CHSY3: variants seen among roughly 807,000 people sequenced by gnomAD.
The protein encoded by CHSY3 is chondroitin sulfate synthase 3.
CHSY3 carries 35 observed loss-of-function variants against 67.2 expected under a neutral mutation model. The ratio of observed to expected loss-of-function variants is 0.52; its 90% CI spans 0.40 to 0.69. The LOEUF (loss-of-function observed/expected upper bound fraction) is 0.69, where lower values mean the gene tolerates loss of function less well. Ranked by LOEUF, CHSY3 falls within the 30% of genes least tolerant of loss-of-function variation. CHSY3 has a pLI of 0.00. For missense variants in CHSY3, 1,069 were observed against 1,138.5 expected, an observed-to-expected ratio of 0.94 and a Z score of 0.88; for synonymous variants, 474 against 434.7, an observed-to-expected ratio of 1.09 and a Z score of -1.12.
Position 130,020,453 on chromosome 5 carries a change from ATATATATATTTTTTTTT to A in CHSY3, c.1086+112095_1086+112111del, listed in dbSNP as rs1419271203. On this transcript the variant is annotated intron_variant, in intron 2 of 2. Coordinates refer to ENST00000305031, the MANE Select transcript of CHSY3 (RefSeq NM_175856.5). ...TATATATATATATATATATATATAT[ATATATATATTTTTTTTT>A]TTTTTTTTTCCTCTGGCTCCTCCAC... is the stretch of plus-strand genomic sequence containing the variant. Among the ~76,000 whole-genome samples, 16 of 7,930 alleles carry A rather than the reference ATATATATATTTTTTTTT, an allele frequency of 2.0e-3. No homozygotes were observed. The East Asian group carries it at 0.045, about 23-fold the overall frequency. 5.2% of individuals were successfully genotyped at this position (7,930 alleles called of 152,430 possible). A position where few individuals can be genotyped will look rare whatever the true frequency, so the allele number is the denominator to read the frequency against.
chr5:130,148,834 A>G (rs563635223), intron 2 of CHSY3, among the ~76,000 whole-genome samples: 55 of 152,106 alleles, frequency 3.6e-4, no homozygotes, highest in Admixed American at 1.8e-3. Flanking sequence ...ATTATCTCCT[A>G]TTCTGTGGGT....
At chr5:129,906,584 G>A (rs893220576) in intron 1 of CHSY3, among the ~76,000 whole-genome samples, 2 of 152,194 alleles carry the variant, frequency 1.3e-5, no homozygotes, top group Non-Finnish European at 2.9e-5. Context: ...GGGCGGCTCT[G>A]GACAGAGAAT....
chr5:130,127,702 T>A (rs1282801261), intron 2 of CHSY3, among the ~76,000 whole-genome samples: 6 of 152,222 alleles, frequency 3.9e-5, no homozygotes, highest in Admixed American at 3.9e-4. Context: ...CAGAAATTCC[T>A]GATGTTGAAA....
intron 2 of CHSY3, among the ~76,000 whole-genome samples, chr5:129,925,282 A>T (rs1365472285): frequency 6.6e-6 from 1 of 152,188 alleles, no homozygotes; most frequent in Non-Finnish European, 1.5e-5. Flanking sequence ...GTTGATATAT[A>T]AACATTCAGG....
chr5:130,123,571 T>G lies in CHSY3; in HGVS notation c.1087-60658T>G, dbSNP rs1222564051. Among the ~76,000 whole-genome samples, 3 of 152,190 alleles carry G rather than the reference T, an allele frequency of 2.0e-5. No individual in the cohort carries two copies. In the East Asian group the frequency reaches 5.8e-4, roughly 29 times the overall value. ...CTCACCTGCTGCTCAACTCCTGCTGTGCGGCCAGGTTCCTAACACACCTTC... is the reference window on the plus strand; with the variant it reads ...CTCACCTGCTGCTCAACTCCTGCTGGGCGGCCAGGTTCCTAACACACCTTC... On this transcript the variant is annotated intron_variant, in intron 2 of 2. Coordinates refer to ENST00000305031, the MANE Select transcript of CHSY3 (RefSeq NM_175856.5).
At chr5:130,052,326 G>A (rs1010573935) in intron 2 of CHSY3, among the ~76,000 whole-genome samples, 1 of 152,188 alleles carries the variant, frequency 6.6e-6, no homozygotes, top group Non-Finnish European at 1.5e-5. Context: ...CACAGTGGGG[G>A]TGTGGTTCCC....
In CHSY3 at chr5:130,185,410, C is replaced by T. The variant is rs149485857; in HGVS notation, c.2268C>T (p.Asn756=). The T allele has an allele frequency of 4.1e-4, 662 of 1,613,124 alleles. 3 individuals are homozygous for T. In the African/African-American group the frequency reaches 6.9e-3, roughly 17 times the overall value. The change falls in exon 3 of 3, where the codon AAC becomes AAT. Residue 756 remains asparagine (N), a synonymous_variant. Transcript: ENST00000305031. The part of the protein sequence containing the change: ...IFSQYDPKVT[N]GGNPPTDDYF... Reference sequence around the variant, plus strand: ...GCCAGTATGACCCAAAGGTAACAAACGGGGGAAATCCTCCCACTGATGATT... The same window carrying T: ...GCCAGTATGACCCAAAGGTAACAAATGGGGGAAATCCTCCCACTGATGATT...
intron 2 of CHSY3, among the ~76,000 whole-genome samples, chr5:129,930,259 G>A (rs965397223): frequency 6.6e-6 from 1 of 151,474 alleles, no homozygotes. Flanking sequence ...TTTGCACCCA[G>A]GATGCAGAGG....
chr5:129,979,061 G>A (rs1329999679), intron 2 of CHSY3, among the ~76,000 whole-genome samples: 1 of 151,644 alleles, frequency 6.6e-6, no homozygotes, highest in Non-Finnish European at 1.5e-5. Flanking sequence ...TTAGCCGGGT[G>A]TGGTGGTGGG....
At chr5:130,143,801 T>C (rs1768975024) in intron 2 of CHSY3, among the ~76,000 whole-genome samples, 3 of 81,304 alleles carry the variant, frequency 3.7e-5, no homozygotes, top group South Asian at 9.6e-4. Flanking sequence ...TATATATATA[T>C]ATATGTGTGT....
At chr5:129,931,820 A>G (rs1219148472) in intron 2 of CHSY3, among the ~76,000 whole-genome samples, 1 of 152,044 alleles carries the variant, frequency 6.6e-6, no homozygotes, top group African/African-American at 2.4e-5. Flanking sequence ...TGCATGGATG[A>G]AAGTCCTCCC....
intron 2 of CHSY3, among the ~76,000 whole-genome samples, chr5:130,137,207 G>A (rs1768693633): frequency 6.6e-6 from 1 of 152,066 alleles, no homozygotes; most frequent in South Asian, 2.1e-4. Context: ...CACATCTCCG[G>A]GAATGAAGAT....
chr5:130,014,799 A>T (rs1474158248), intron 2 of CHSY3, among the ~76,000 whole-genome samples: 1 of 152,216 alleles, frequency 6.6e-6, no homozygotes, highest in Non-Finnish European at 1.5e-5. Flanking sequence ...CAGCCCCAGC[A>T]AAAATTTCAT....
chr5:130,142,537 T>C (rs1334283636), intron 2 of CHSY3, among the ~76,000 whole-genome samples: 1 of 152,222 alleles, frequency 6.6e-6, no homozygotes, highest in African/African-American at 2.4e-5. Flanking sequence ...AAGTAAGGCA[T>C]CAAAATCAAT....
rs1767274975 is a variant in CHSY3, at chr5:130,102,403, C to A, written c.1087-81826C>A. 4.6e-5 allele frequency among the ~76,000 whole-genome samples: 7 copies of A among 151,970 alleles called. No homozygotes were observed. The South Asian group carries it at 1.5e-3, about 31-fold the overall frequency. On this transcript the variant is annotated intron_variant, in intron 2 of 2. Coordinates refer to ENST00000305031, the MANE Select transcript of CHSY3 (RefSeq NM_175856.5). ...TAATTAAACAAAATTAAAATTCATA[C>A]TGTTTAATAAATCAATGTAATTTGA...
chr5:129,998,230 T>C (rs919957886), intron 2 of CHSY3, among the ~76,000 whole-genome samples: 2 of 110,238 alleles, frequency 1.8e-5, no homozygotes, highest in Non-Finnish European at 4.3e-5. Flanking sequence ...AAATGAATTC[T>C]GTGCTCACTG....
At chr5:130,077,482 T>C (rs1423548105) in intron 2 of CHSY3, among the ~76,000 whole-genome samples, 2 of 152,136 alleles carry the variant, frequency 1.3e-5, no homozygotes, top group Non-Finnish European at 2.9e-5. Flanking sequence ...TATAGGACCT[T>C]TTCCTTATGG....
chr5:129,982,641 A>G (rs954977939), intron 2 of CHSY3, among the ~76,000 whole-genome samples: 1 of 152,074 alleles, frequency 6.6e-6, no homozygotes, highest in African/African-American at 2.4e-5. Context: ...ATATATTCTA[A>G]TAGCCTCATT....
At chr5:130,143,730 GTGTGTATA>G (rs1398830633) in intron 2 of CHSY3, among the ~76,000 whole-genome samples, 55 of 104,524 alleles carry the variant, frequency 5.3e-4, no homozygotes, top group African/African-American at 1.9e-3. Flanking sequence ...ATGTGTGTGT[GTGTGTATA>G]TATATATATA....
Sources: gnomAD v4.1 joint callset for allele counts (sites outside exome capture counted in the v4.1 genomes callset) on GRCh38, gnomAD v4.1.1 for gene constraint, MANE v1.5 for transcripts, NCBI Gene and HGNC (gene_info 2026-07-23, HGNC 2026-07-21) for gene names.